Variants in CRIM1 observed in about 807,000 individuals in gnomAD.
CRIM1 encodes cysteine rich transmembrane BMP regulator 1.
In CRIM1, 32 loss-of-function variants were observed where a neutral mutation model predicts 116.4. The observed-to-expected ratio is 0.27, with a 90% CI of 0.21 to 0.37. The LOEUF (loss-of-function observed/expected upper bound fraction) is 0.37, where lower values mean the gene tolerates loss of function less well. CRIM1 is among the 10% of genes least tolerant of loss of function. The probability of loss-of-function intolerance (pLI) is 1.00; values close to 1 mark genes in which losing one functional copy is unlikely to be tolerated. For missense variants in CRIM1, 1,331 were observed against 1,354.8 expected (o/e 0.98, Z 0.28); for synonymous variants, 590 against 509.2 (o/e 1.16, Z -2.13).
At chr2:36,517,909 GAGA>G (rs1247984776) in intron 12 of CRIM1, among the ~76,000 whole-genome samples, 3 of 152,302 alleles carry the variant, frequency 2.0e-5, no homozygotes, top group South Asian at 4.1e-4. Flanking sequence ...TGTAACAAAT[GAGA>G]AGAATAGTTA....
chr2:36,483,010 G>C (rs1457544368), intron 7 of CRIM1, among the ~76,000 whole-genome samples: 1 of 152,114 alleles, frequency 6.6e-6, no homozygotes, highest in Non-Finnish European at 1.5e-5. Context: ...TGATTCACAA[G>C]TACCTAAGTG....
chr2:36,481,720 C>T (rs375438910), intron 7 of CRIM1, among the ~76,000 whole-genome samples: 1 of 152,170 alleles, frequency 6.6e-6, no homozygotes, highest in Non-Finnish European at 1.5e-5. Flanking sequence ...TAGATCATTT[C>T]CCCCAAGGGT....
chr2:36,422,716 A>G (rs541165752), intron 2 of CRIM1, among the ~76,000 whole-genome samples: 122 of 152,332 alleles, frequency 8.0e-4, no homozygotes, highest in Non-Finnish European at 1.7e-3. Flanking sequence ...CCCCAGATTT[A>G]ATGATGACAG....
intron 1 of CRIM1, among the ~76,000 whole-genome samples, chr2:36,393,733 G>A (rs561697886): frequency 6.6e-6 from 1 of 152,262 alleles, no homozygotes; most frequent in African/African-American, 2.4e-5. Flanking sequence ...GAGGAAGAAG[G>A]GAAGGAGGTA....
chr2:36,417,146 G>C (rs1673681754), intron 2 of CRIM1, among the ~76,000 whole-genome samples: 1 of 152,080 alleles, frequency 6.6e-6, no homozygotes, highest in East Asian at 1.9e-4. Flanking sequence ...TTATTCTTTT[G>C]TCTTTTTGTC....
chr2:36,362,071 C>A (rs184429781), intron 1 of CRIM1, among the ~76,000 whole-genome samples: 1 of 152,146 alleles, frequency 6.6e-6, no homozygotes, highest in Non-Finnish European at 1.5e-5. Context: ...AGCCCGGGGA[C>A]CTCTCCAACA....
rs1281014504 is a variant in CRIM1 at position 36,420,972 on chromosome 2, T to C, written c.506-20286T>C. On this transcript the variant is annotated intron_variant, in intron 2 of 16. Transcript: ENST00000280527. ...CATTCCACAGAGGCCACTGGAGATC[T>C]GGAAACCCCGTGGTGTTTAACATTG... Among the ~76,000 whole-genome samples, 3 of 152,218 alleles carry C rather than the reference T, an allele frequency of 2.0e-5. No individual in the cohort carries two copies. In the East Asian group the frequency reaches 5.8e-4, roughly 29 times the overall value.
chr2:36,457,024 A>G (rs1258589772), intron 4 of CRIM1, among the ~76,000 whole-genome samples: 1 of 152,226 alleles, frequency 6.6e-6, no homozygotes, highest in Non-Finnish European at 1.5e-5. Context: ...GCACCTTAAG[A>G]TAAGCTTCCG....
chr2:36,466,095 C>T (rs1678000324), intron 5 of CRIM1, among the ~76,000 whole-genome samples: 1 of 151,928 alleles, frequency 6.6e-6, no homozygotes, highest in Non-Finnish European at 1.5e-5. Flanking sequence ...ACTGTGTTAA[C>T]CAGGATGGTC....
chr2:36,369,229 G>A (rs1434108402), intron 1 of CRIM1: 1 of 152,222 alleles, frequency 6.6e-6, no homozygotes, highest in East Asian at 1.9e-4. Flanking sequence ...GTTTGCTGTA[G>A]TGAAGGGTCT....
chr2:36,529,258 T>A, intron 13 of CRIM1: 1 of 468,582 alleles, frequency 2.1e-6, no homozygotes, highest in Non-Finnish European at 4.4e-6. Context: ...GCTGGCAGAG[T>A]CTTCTTAACA....
chr2:36,477,128 A>G, intron 6 of CRIM1, 57 bp downstream of exon 6: 2 of 1,374,118 alleles, frequency 1.5e-6, no homozygotes, highest in African/African-American at 3.0e-5. Context: ...AGAGTTCTAA[A>G]ATCAAAATCG....
At chr2:36,415,744 C>G (rs1399794496) in intron 2 of CRIM1, among the ~76,000 whole-genome samples, 2 of 152,210 alleles carry the variant, frequency 1.3e-5, no homozygotes, top group African/African-American at 2.4e-5. Context: ...CATTCTTCCT[C>G]CATCCCCTAA....
At chr2:36,389,505 T>C (rs988870115) in intron 1 of CRIM1, among the ~76,000 whole-genome samples, 1 of 152,232 alleles carries the variant, frequency 6.6e-6, no homozygotes, top group Non-Finnish European at 1.5e-5. Context: ...GCCAACAGAA[T>C]TCCATTACTG....
chr2:36,397,583 C>T (rs916762172), intron 2 of CRIM1, among the ~76,000 whole-genome samples: 2 of 152,024 alleles, frequency 1.3e-5, no homozygotes, highest in Admixed American at 1.3e-4. Flanking sequence ...TTAAATATAC[C>T]TCTTATCTCT....
chr2:36,435,190 T>C (rs1675207750), intron 2 of CRIM1, among the ~76,000 whole-genome samples: 1 of 152,206 alleles, frequency 6.6e-6, no homozygotes, highest in Admixed American at 6.5e-5. Context: ...GAAAAAACAG[T>C]GACCCCAGAC....
At chr2:36,536,911 C>T (rs1054535363) in intron 13 of CRIM1, among the ~76,000 whole-genome samples, 26 of 151,994 alleles carry the variant, frequency 1.7e-4, no homozygotes, top group African/African-American at 6.0e-4. Flanking sequence ...GTGGTTATCT[C>T]GGTGCTGACT....
At chr2:36,359,794 A>G (rs1311750133) in intron 1 of CRIM1, among the ~76,000 whole-genome samples, 1 of 152,160 alleles carries the variant, frequency 6.6e-6, no homozygotes, top group African/African-American at 2.4e-5. Context: ...GGAGCCTGAT[A>G]CCTAAAAGTT....
chr2:36,432,422 T>G (rs1255360419), intron 2 of CRIM1, among the ~76,000 whole-genome samples: 2 of 152,222 alleles, frequency 1.3e-5, no homozygotes. Context: ...GTAGGTTGGA[T>G]ATATTTTTCT....
Sources: allele counts gnomAD v4.1 joint callset (sites outside exome capture counted in the v4.1 genomes callset), GRCh38; gene constraint gnomAD v4.1.1; transcripts MANE v1.5; gene names NCBI Gene and HGNC (gene_info 2026-07-23, HGNC 2026-07-21).